Variants in SYNCRIP observed in about 807,000 individuals in gnomAD.
SYNCRIP encodes heterogeneous nuclear ribonucleoprotein Q.
Under a neutral mutation model 68.9 loss-of-function variants are expected in SYNCRIP, and 9 were observed. That is an observed-to-expected ratio of 0.13 (90% CI 0.08 to 0.23). SYNCRIP has a LOEUF of 0.23. SYNCRIP is among the 10% of genes least tolerant of loss of function. The probability of loss-of-function intolerance (pLI) is 1.00; values close to 1 mark genes in which losing one functional copy is unlikely to be tolerated. For synonymous variants in SYNCRIP, 258 were observed against 254.0 expected (o/e 1.02, Z -0.15); for missense variants, 414 against 770.6 (o/e 0.54, Z 5.48).
At chr6:85,630,554 G>C (rs1011163396) in intron 6 of SYNCRIP, among the ~76,000 whole-genome samples, 1 of 152,164 alleles carries the variant, frequency 6.6e-6, no homozygotes, top group South Asian at 2.1e-4. Flanking sequence ...ACACCTGCCT[G>C]CCCTTCTTCA....
intron 2 of SYNCRIP, among the ~76,000 whole-genome samples, 164 bp downstream of exon 2, chr6:85,641,128 T>C (rs1011617225): frequency 1.3e-5 from 2 of 152,180 alleles, no homozygotes; most frequent in Non-Finnish European, 2.9e-5. Context: ...CCTCCCTCTA[T>C]ACATCTTAAC....
In SYNCRIP at chr6:85,622,578, A is replaced by G. The variant is rs1419953600; in HGVS notation, c.912T>C (p.Arg304=). 1 of 1,614,170 alleles carries G rather than the reference A, an allele frequency of 6.2e-7. No individual in the cohort carries two copies. The highest frequency in any genetic ancestry group is 1.1e-5 in the South Asian group (1 of 91,076). ...EDHKTAAQAR[R]RLMSGKVKVW... ...CCTTGACTTTACCACTCATTAACCT[A>G]CGCCTTGCCTGGGCAGCTGTTTTGT... The change falls in exon 8 of 11, where the codon CGT becomes CGC. Residue 304 remains arginine, a synonymous_variant. Transcript: ENST00000369622.
chr6:85,642,396 G>C (rs1480267788), intron 1 of SYNCRIP, among the ~76,000 whole-genome samples: 2 of 152,172 alleles, frequency 1.3e-5, no homozygotes, highest in African/African-American at 4.8e-5. Flanking sequence ...GCGTGAGGGC[G>C]TTCAGCGGAC....
intron 8 of SYNCRIP, among the ~76,000 whole-genome samples, chr6:85,620,873 A>G (rs1806302229): frequency 6.6e-6 from 1 of 152,228 alleles, no homozygotes; most frequent in Admixed American, 6.5e-5. Flanking sequence ...TTTGCAATAA[A>G]AAAGATAATT....
At chr6:85,637,437 C>G in intron 4 of SYNCRIP, 81 bp from the exon 5 acceptor site, 1 of 877,024 alleles carries the variant, frequency 1.1e-6, no homozygotes, top group Non-Finnish European at 1.8e-6. Flanking sequence ...CCATCTTGCT[C>G]AAATCTTTCC....
chr6:85,626,457 T>A (rs1807039802), intron 6 of SYNCRIP, among the ~76,000 whole-genome samples: 1 of 151,760 alleles, frequency 6.6e-6, no homozygotes, highest in Non-Finnish European at 1.5e-5. Context: ...CAGATTTTGG[T>A]ATAATGAGGG....
intron 6 of SYNCRIP, among the ~76,000 whole-genome samples, chr6:85,632,539 A>G (rs554299050): frequency 5.3e-5 from 8 of 152,256 alleles, no homozygotes; most frequent in Middle Eastern, 3.4e-3. Context: ...TGAGATTTGT[A>G]TTTTCTCTAG....
chr6:85,610,477 AAT>A (rs1381621568), downstream of SYNCRIP: 14 of 152,082 alleles, frequency 9.2e-5, 1 homozygote, highest in East Asian at 2.1e-3. Flanking sequence ...AAGAATGCCA[AAT>A]AGTCTTGAAA....
At chr6:85,633,274 A>G (rs1808038968) in intron 6 of SYNCRIP, among the ~76,000 whole-genome samples, 1 of 146,182 alleles carries the variant, frequency 6.8e-6, no homozygotes, top group Non-Finnish European at 1.5e-5. Flanking sequence ...ATAAATAAAT[A>G]AATAAATAAA....
At chr6:85,627,683 C>T (rs928875603) in intron 6 of SYNCRIP, among the ~76,000 whole-genome samples, 1 of 152,062 alleles carries the variant, frequency 6.6e-6, no homozygotes, top group African/African-American at 2.4e-5. Context: ...TATAAAAAAA[C>T]GAGCACACAC....
upstream of SYNCRIP, among the ~76,000 whole-genome samples, chr6:85,643,465 G>C (rs917768427): frequency 4.6e-5 from 7 of 151,932 alleles, no homozygotes; most frequent in Non-Finnish European, 2.9e-5. Flanking sequence ...GACGGTGGCG[G>C]CCGAGGGGCC....
At chr6:85,643,726 T>C (rs991940688), upstream of SYNCRIP, 13 of 151,474 alleles carry the variant, frequency 8.6e-5, no homozygotes, top group African/African-American at 2.7e-4. Flanking sequence ...TGAGTGCGAC[T>C]GCCGCTTCCC....
intron 6 of SYNCRIP, among the ~76,000 whole-genome samples, chr6:85,629,764 GTGAGCCGAGAT>G (rs1276933908): frequency 1.3e-5 from 2 of 152,062 alleles, no homozygotes; most frequent in Non-Finnish European, 2.9e-5. Context: ...GGAGGCTGCA[GTGAGCCGAGAT>G]CATGCCACTG....
chr6:85,624,001 G>C lies in SYNCRIP; in HGVS notation c.778C>G (p.Leu260Val). ...IPKSKTKEQI[L>V]EEFSKVTEGL... ...CCTGTTACTTTGCTAAATTCTTCAA[G>C]AATCTGTTCCTTGGTTTTACTCTTA... Residue 260 changes from leucine (L) to valine (V), a missense_variant, in exon 7 of 11, where the codon CTT becomes GTT. Leu to Val is a conservative substitution (Grantham distance 32). Around this residue, in one of 6 missense-constraint regions of SYNCRIP, gnomAD observed 110 missense variants for 269.3 expected, o/e 0.41. Coordinates refer to ENST00000369622, the MANE Select transcript of SYNCRIP (RefSeq NM_006372.5). The C allele has an allele frequency of 3.1e-6, 5 of 1,613,742 alleles. No individual in the cohort carries two copies. Among genetic ancestry groups the C allele is most frequent in the South Asian group, 1.1e-5 (1 of 91,030 alleles).
intron 6 of SYNCRIP, among the ~76,000 whole-genome samples, chr6:85,634,580 T>TG (rs1554187697): frequency 1.5e-5 from 2 of 132,810 alleles, no homozygotes; most frequent in East Asian, 4.9e-4. Context: ...ACTGGTGTGT[T>TG]GTTTTTTTTT....
At chr6:85,641,710 T>C (rs563807888) in intron 1 of SYNCRIP, among the ~76,000 whole-genome samples, 3 of 151,976 alleles carry the variant, frequency 2.0e-5, no homozygotes, top group Non-Finnish European at 4.4e-5. Flanking sequence ...ATATTACAAA[T>C]AGAGCCCAAT....
In SYNCRIP at chr6:85,636,452, A is replaced by G. The variant is rs1808464414; in HGVS notation, c.666+515T>C. ...AGAAACTTGGTCTCAAAAAAAAAAG[A>G]AAAGAAAAAAGAAAAATTTCCTTTT... is the stretch of plus-strand genomic sequence containing the variant. On this transcript the variant is annotated intron_variant, in intron 6 of 10. Coordinates refer to ENST00000369622, the MANE Select transcript of SYNCRIP (RefSeq NM_006372.5). Among the ~76,000 whole-genome samples the G allele has an allele frequency of 2.6e-5, 4 of 152,038 alleles. No individual in the cohort carries two copies. In the South Asian group the frequency reaches 8.3e-4, roughly 32 times the overall value.
chr6:85,642,466 G>A (rs1452401133), intron 1 of SYNCRIP, among the ~76,000 whole-genome samples: 2 of 152,152 alleles, frequency 1.3e-5, no homozygotes, highest in South Asian at 2.1e-4. Flanking sequence ...TGCAGGACAA[G>A]ACCCACTCCT....
At chr6:85,625,099 A>G (rs957562522) in intron 6 of SYNCRIP, among the ~76,000 whole-genome samples, 1 of 152,168 alleles carries the variant, frequency 6.6e-6, no homozygotes, top group African/African-American at 2.4e-5. Flanking sequence ...GAAAACATGT[A>G]AGTCAGAAAG....
Sources: gnomAD v4.1 joint callset for allele counts (sites outside exome capture counted in the v4.1 genomes callset) on GRCh38, gnomAD v4.1.1 for gene constraint, gnomAD v4.1.1 regional missense constraint, MANE v1.5 for transcripts, NCBI Gene and HGNC (gene_info 2026-07-23, HGNC 2026-07-21) for gene names.